TEAD1: variants seen among roughly 807,000 people sequenced by gnomAD.
TEAD1 encodes the protein TEA domain transcription factor 1.
In TEAD1, 9 loss-of-function variants were observed where a neutral mutation model predicts 54.9. The ratio of observed to expected loss-of-function variants is 0.16; its 90% CI spans 0.10 to 0.29. TEAD1 has a LOEUF of 0.29. Among genes scored for constraint, TEAD1 ranks in the 10% least tolerant of loss-of-function variants. The pLI is 1.00. For missense variants in TEAD1, 387 were observed against 535.9 expected, an observed-to-expected ratio of 0.72 and a Z score of 2.74; for synonymous variants, 200 against 187.8, an observed-to-expected ratio of 1.07 and a Z score of -0.53.
chr11:12,826,901 A>G (rs1016435517), intron 3 of TEAD1, among the ~76,000 whole-genome samples: 1 of 152,112 alleles, frequency 6.6e-6, no homozygotes, highest in Non-Finnish European at 1.5e-5. Context: ...TAATTGAAAG[A>G]TTGGCAGCAA....
At chr11:12,901,147 G>A (rs542740204) in intron 9 of TEAD1, among the ~76,000 whole-genome samples, 78 of 152,304 alleles carry the variant, frequency 5.1e-4, no homozygotes, top group African/African-American at 1.9e-3. Flanking sequence ...TGTAGCCTGG[G>A]TTGAGAACCA....
intron 5 of TEAD1, among the ~76,000 whole-genome samples, chr11:12,874,648 A>T (rs960729972): frequency 2.0e-5 from 3 of 152,172 alleles, no homozygotes; most frequent in Non-Finnish European, 2.9e-5. Flanking sequence ...TGTGTTGGAA[A>T]TTGGTTAATG....
At chr11:12,900,654 A>T (rs1948410987) in intron 9 of TEAD1, among the ~76,000 whole-genome samples, 1 of 151,224 alleles carries the variant, frequency 6.6e-6, no homozygotes, top group African/African-American at 2.4e-5. Flanking sequence ...TTTTTTTTTT[A>T]AAGCAGGTCC....
intron 3 of TEAD1, among the ~76,000 whole-genome samples, chr11:12,782,806 A>G (rs538044097): frequency 6.6e-6 from 1 of 152,244 alleles, no homozygotes; most frequent in South Asian, 2.1e-4. Flanking sequence ...AGATGAACAT[A>G]CAAGTTAACT....
At chr11:12,715,480 G>A (rs970663975) in intron 2 of TEAD1, among the ~76,000 whole-genome samples, 5 of 152,128 alleles carry the variant, frequency 3.3e-5, no homozygotes, top group African/African-American at 4.8e-5. Flanking sequence ...GGTTGCCTTC[G>A]TTTCACCTGG....
intron 2 of TEAD1, among the ~76,000 whole-genome samples, chr11:12,728,317 C>T (rs990142007): frequency 6.6e-5 from 10 of 151,762 alleles, no homozygotes; most frequent in Admixed American, 6.6e-4. Context: ...CCCCAGGGGT[C>T]TCTAACACCG....
intron 3 of TEAD1, among the ~76,000 whole-genome samples, chr11:12,833,269 A>G (rs542370625): frequency 4.6e-5 from 7 of 152,330 alleles, no homozygotes; most frequent in Non-Finnish European, 8.8e-5. Flanking sequence ...GACTTTATCA[A>G]TGAGTTGAAA....
chr11:12,742,350 G>A (rs1341738913), intron 2 of TEAD1, among the ~76,000 whole-genome samples: 4 of 152,014 alleles, frequency 2.6e-5, no homozygotes, highest in Non-Finnish European at 4.4e-5. Context: ...AGGATGAAGT[G>A]AAATAATAAA....
intron 2 of TEAD1, among the ~76,000 whole-genome samples, chr11:12,697,531 G>A (rs192109897): frequency 3.0e-3 from 453 of 152,304 alleles, no homozygotes; most frequent in Middle Eastern, 0.01. Flanking sequence ...AAGTACATTA[G>A]CAGATGTACA....
At position 12,879,838 on chromosome 11, in the gene TEAD1, C is replaced by G. The variant is rs140390128; in HGVS notation, c.461C>G (p.Pro154Arg). 6.2e-7 allele frequency: 1 copy of G among 1,613,154 alleles called. No individual in the cohort carries two copies. Among genetic ancestry groups the G allele is most frequent in the Middle Eastern group, 1.8e-4 (1 of 5,492 alleles). ...CCACGCCCGACCTTCCCAGGGGCGCCGGGGGTAAGTCATGAGCTCAGTCCA... is the reference window on the plus strand; with the variant it reads ...CCACGCCCGACCTTCCCAGGGGCGCGGGGGGTAAGTCATGAGCTCAGTCCA... The change falls in exon 6 of 13, where the codon CCG becomes CGG. Residue 154 changes from proline to arginine, a missense_variant. By Grantham distance (103) the Pro-to-Arg change is moderately radical. Coordinates refer to ENST00000527636, the MANE Select transcript of TEAD1 (RefSeq NM_021961.6).
At chr11:12,845,214 G>A (rs907385828) in intron 3 of TEAD1, among the ~76,000 whole-genome samples, 1 of 151,804 alleles carries the variant, frequency 6.6e-6, no homozygotes, top group African/African-American at 2.4e-5. Flanking sequence ...ATCCACCCTC[G>A]GCCTCTGAAA....
chr11:12,910,582 T>C (rs907043829), intron 10 of TEAD1, among the ~76,000 whole-genome samples: 1 of 152,158 alleles, frequency 6.6e-6, no homozygotes, highest in African/African-American at 2.4e-5. Context: ...AAATATACAT[T>C]TAATATTTCT....
intron 2 of TEAD1, among the ~76,000 whole-genome samples, chr11:12,721,859 G>T (rs930557423): frequency 1.3e-5 from 2 of 152,204 alleles, no homozygotes; most frequent in African/African-American, 4.8e-5. Flanking sequence ...CCTGTTGATA[G>T]GACAGTGGAC....
chr11:12,805,531 A>G (rs892138055), intron 3 of TEAD1, among the ~76,000 whole-genome samples: 1 of 152,198 alleles, frequency 6.6e-6, no homozygotes, highest in Non-Finnish European at 1.5e-5. Flanking sequence ...TATAAAAATG[A>G]TCTCTGATGT....
intron 2 of TEAD1, among the ~76,000 whole-genome samples, chr11:12,757,837 T>C (rs1036887417): frequency 2.0e-5 from 3 of 152,242 alleles, no homozygotes; most frequent in African/African-American, 7.2e-5. Flanking sequence ...TGGAGTGCAG[T>C]GGCCTGATCT....
intron 2 of TEAD1, among the ~76,000 whole-genome samples, chr11:12,746,801 A>G (rs979076891): frequency 1.3e-5 from 2 of 152,238 alleles, no homozygotes; most frequent in African/African-American, 4.8e-5. Flanking sequence ...GAACTGGCTG[A>G]GAGCCAGGCT....
At chr11:12,702,747 A>G (rs1332744330) in intron 2 of TEAD1, among the ~76,000 whole-genome samples, 1 of 152,198 alleles carries the variant, frequency 6.6e-6, no homozygotes, top group Non-Finnish European at 1.5e-5. Context: ...GCAGCCTCTC[A>G]GGTAATCTTC....
chr11:12,937,042 T>G (rs915863485), intron 12 of TEAD1, 67 bp from the exon 13 acceptor site: 6 of 1,102,934 alleles, frequency 5.4e-6, no homozygotes, highest in Non-Finnish European at 8.2e-6. Flanking sequence ...TAAGTCATAG[T>G]CGTCATACAC....
At chr11:12,806,042 T>C (rs1158711078) in intron 3 of TEAD1, among the ~76,000 whole-genome samples, 1 of 152,184 alleles carries the variant, frequency 6.6e-6, no homozygotes, top group Non-Finnish European at 1.5e-5. Flanking sequence ...GTCCCTAATA[T>C]TTATGGAGCC....
Sources: allele counts gnomAD v4.1 joint callset (sites outside exome capture counted in the v4.1 genomes callset), GRCh38; gene constraint gnomAD v4.1.1; transcripts MANE v1.5; gene names NCBI Gene and HGNC (gene_info 2026-07-23, HGNC 2026-07-21).